The following CEP128 variants were observed in gnomAD, a reference collection of about 807,000 sequenced individuals.
CEP128 encodes centrosomal protein 128kDa.
A neutral mutation model predicts 156.7 loss-of-function variants in CEP128; 132 were observed. The observed-to-expected ratio is 0.84, with a 90% CI of 0.73 to 0.97. CEP128 has a LOEUF of 0.97. Among genes scored for constraint, CEP128 ranks in the 50% least tolerant of loss-of-function variants. The pLI is 0.00. For missense variants in CEP128, 1,252 were observed against 1,281.9 expected (o/e 0.98, Z 0.36); for synonymous variants, 469 against 448.9 (o/e 1.04, Z -0.57).
At chr14:80,514,191 C>A (rs1470221706) in intron 23 of CEP128, among the ~76,000 whole-genome samples, 2 of 152,180 alleles carry the variant, frequency 1.3e-5, no homozygotes, top group Non-Finnish European at 2.9e-5. Flanking sequence ...CTGAACCAAA[C>A]CAATGTATTT....
chr14:80,784,842 T>G (rs1335536121), intron 15 of CEP128, 53 bp downstream of exon 15: 11 of 1,430,166 alleles, frequency 7.7e-6, no homozygotes, highest in Non-Finnish European at 1.0e-5. Context: ...ATTAACTTCA[T>G]GAGCCACCAG....
chr14:80,582,958 C>T (rs1199043524), intron 19 of CEP128, among the ~76,000 whole-genome samples: 1 of 152,076 alleles, frequency 6.6e-6, no homozygotes, highest in Non-Finnish European at 1.5e-5. Context: ...AATCTTGTTC[C>T]TCCAGAGTCA....
chr14:80,485,755 G>C (rs564694626), downstream of CEP128, among the ~76,000 whole-genome samples: 2 of 152,252 alleles, frequency 1.3e-5, no homozygotes, highest in Admixed American at 1.3e-4. Flanking sequence ...ATGTTTTCTC[G>C]AGTGGAAGGC....
At chr14:80,511,285 T>C (rs1888242246) in intron 23 of CEP128, among the ~76,000 whole-genome samples, 2 of 152,064 alleles carry the variant, frequency 1.3e-5, no homozygotes, top group Admixed American at 6.6e-5. Flanking sequence ...ATCTCATTAC[T>C]TGTTATTGGC....
intron 19 of CEP128, among the ~76,000 whole-genome samples, chr14:80,715,909 T>G (rs1244544629): frequency 1.3e-5 from 2 of 152,162 alleles, no homozygotes; most frequent in Admixed American, 1.3e-4. Flanking sequence ...GCAAAAGAAA[T>G]TGTGAAATGA....
intron 8 of CEP128, among the ~76,000 whole-genome samples, chr14:80,891,949 T>C (rs868745218): frequency 7.3e-5 from 11 of 151,688 alleles, no homozygotes; most frequent in African/African-American, 2.2e-4. Context: ...AGATATTCCA[T>C]CCTCATGAAT....
intron 9 of CEP128, among the ~76,000 whole-genome samples, chr14:80,859,386 G>A (rs1264859214): frequency 7.9e-6 from 1 of 125,812 alleles, no homozygotes; most frequent in Non-Finnish European, 1.7e-5. Context: ...ATCACACTCT[G>A]GGGACTGTTG....
At chr14:80,713,170 C>T (rs1897474888) in intron 19 of CEP128, among the ~76,000 whole-genome samples, 1 of 152,054 alleles carries the variant, frequency 6.6e-6, no homozygotes, top group African/African-American at 2.4e-5. Context: ...TAGCATTATC[C>T]TACAAATAAA....
chr14:80,618,155 T>C (rs550466035), intron 19 of CEP128, among the ~76,000 whole-genome samples: 15 of 152,366 alleles, frequency 9.8e-5, no homozygotes, highest in African/African-American at 3.1e-4. Flanking sequence ...TAAGATACTA[T>C]GTCAATACTT....
intron 14 of CEP128, among the ~76,000 whole-genome samples, chr14:80,789,678 G>T (rs1226585311): frequency 6.6e-6 from 1 of 151,986 alleles, no homozygotes; most frequent in Non-Finnish European, 1.5e-5. Context: ...AGGGGCAAAA[G>T]AAAAGATTAC....
At chr14:80,611,345 A>C (rs928607711) in intron 19 of CEP128, among the ~76,000 whole-genome samples, 11 of 152,148 alleles carry the variant, frequency 7.2e-5, no homozygotes, top group South Asian at 6.2e-4. Flanking sequence ...AGATTAAAAA[A>C]AATCTAAGGT....
intron 8 of CEP128, among the ~76,000 whole-genome samples, chr14:80,895,167 A>C (rs926757909): frequency 6.6e-6 from 1 of 152,128 alleles, no homozygotes; most frequent in African/African-American, 2.4e-5. Flanking sequence ...AATAAAAATA[A>C]ATCACTGAAC....
chr14:80,695,522 C>T (rs67713542), intron 19 of CEP128, among the ~76,000 whole-genome samples: 40,983 of 151,664 alleles, frequency 0.27, 6,549 homozygotes, highest in East Asian at 0.69. Flanking sequence ...TTGACCCTAG[C>T]CTGGCCAACA....
intron 23 of CEP128, among the ~76,000 whole-genome samples, chr14:80,523,273 C>T (rs1888825104): frequency 6.6e-6 from 1 of 152,224 alleles, no homozygotes; most frequent in Admixed American, 6.5e-5. Flanking sequence ...TAGTGATCCT[C>T]TCCCAAACTG....
intron 8 of CEP128, among the ~76,000 whole-genome samples, chr14:80,867,188 G>T (rs1264712877): frequency 2.6e-5 from 4 of 152,102 alleles, no homozygotes; most frequent in Non-Finnish European, 5.9e-5. Context: ...GCACTATCAG[G>T]TTACTGAGAC....
At chr14:80,482,786 T>C (rs1467504406) in intron 14 of CEP128, among the ~76,000 whole-genome samples, 1 of 152,000 alleles carries the variant, frequency 6.6e-6, no homozygotes, top group Non-Finnish European at 1.5e-5. Flanking sequence ...AGAGAGGAAA[T>C]AGTAAAGGTA....
At chr14:80,520,517 G>C (rs1594942032) in intron 23 of CEP128, among the ~76,000 whole-genome samples, 1 of 151,628 alleles carries the variant, frequency 6.6e-6, no homozygotes, top group Admixed American at 6.6e-5. Flanking sequence ...GAATCTCTTT[G>C]ACTAGTTTTC....
chr14:80,721,077 C>A (rs1897800185), intron 19 of CEP128, among the ~76,000 whole-genome samples: 2 of 152,142 alleles, frequency 1.3e-5, no homozygotes, highest in African/African-American at 2.4e-5. Context: ...TTCAAAGAAT[C>A]TATGAAAATA....
downstream of CEP128, among the ~76,000 whole-genome samples, chr14:80,489,907 CAAA>C (rs34425331): frequency 0.49 from 64,740 of 131,724 alleles, 15,449 homozygotes; most frequent in Middle Eastern, 0.68. Flanking sequence ...GTTTTATCAC[CAAA>C]AAAAAAAAAA....
Sources: gnomAD v4.1 joint callset for allele counts (sites outside exome capture counted in the v4.1 genomes callset) on GRCh38, gnomAD v4.1.1 for gene constraint, MANE v1.5 for transcripts, NCBI Gene and HGNC (gene_info 2026-07-23, HGNC 2026-07-21) for gene names.